The following KLHDC1 variants were observed in gnomAD, a reference collection of about 807,000 sequenced individuals.
The protein encoded by KLHDC1 is kelch domain containing 1, also known as kelch domain-containing protein 1.
A neutral mutation model predicts 68.3 loss-of-function variants in KLHDC1; 53 were observed. The ratio of observed to expected loss-of-function variants is 0.78; its 90% CI spans 0.62 to 0.98. The LOEUF is 0.98. KLHDC1 is among the 50% of genes least tolerant of loss of function. The probability of loss-of-function intolerance (pLI) is 0.00; values close to 1 mark genes in which losing one functional copy is unlikely to be tolerated. For synonymous variants in KLHDC1, 148 were observed against 159.0 expected (o/e 0.93, Z 0.52); for missense variants, 470 against 492.3 (o/e 0.95, Z 0.43).
rs1299351934 is a variant in KLHDC1, at chr14:49,715,791, TA to T, written c.404+5414del. On this transcript the variant is annotated intron_variant, in intron 4 of 12. Transcript: ENST00000359332. ...ATATATATATATATATAATAAAAGA[TA>T]AAACATAGCCTTACCTTTTAAACCT... is the stretch of plus-strand genomic sequence containing the variant. 5.1e-3 allele frequency among the ~76,000 whole-genome samples: 684 copies of T among 134,678 alleles called. 8 individuals carry two copies. The highest frequency in any genetic ancestry group is 0.018 in the African/African-American group (659 of 36,404). 88.4% of individuals were successfully genotyped at this position (134,678 alleles called of 152,430 possible). A position where few individuals can be genotyped will look rare whatever the true frequency, so the allele number is the denominator to read the frequency against.
At chr14:49,713,547 G>C (rs1240806521) in intron 4 of KLHDC1, among the ~76,000 whole-genome samples, 1 of 151,610 alleles carries the variant, frequency 6.6e-6, no homozygotes, top group Non-Finnish European at 1.5e-5. Context: ...CCTTCAAAGT[G>C]GTCAGTAAGG....
chr14:49,715,450 T>C (rs1169778546), intron 4 of KLHDC1, among the ~76,000 whole-genome samples: 2 of 151,368 alleles, frequency 1.3e-5, no homozygotes, highest in African/African-American at 4.8e-5. Flanking sequence ...CATATAAAAG[T>C]ATATATAAAA....
chr14:49,720,229 G>A (rs1375323257), intron 4 of KLHDC1, among the ~76,000 whole-genome samples: 1 of 152,186 alleles, frequency 6.6e-6, no homozygotes, highest in African/African-American at 2.4e-5. Flanking sequence ...CAGGTGATCC[G>A]CCTGCCTTGG....
intron 8 of KLHDC1, among the ~76,000 whole-genome samples, chr14:49,730,693 C>T (rs1862886515): frequency 1.3e-5 from 2 of 152,134 alleles, no homozygotes; most frequent in African/African-American, 4.8e-5. Context: ...TCAACCTAGG[C>T]TGGGTGCAGT....
intron 1 of KLHDC1, among the ~76,000 whole-genome samples, chr14:49,699,770 A>G (rs1240513914): frequency 6.6e-6 from 1 of 152,204 alleles, no homozygotes; most frequent in East Asian, 1.9e-4. Context: ...GATAATATCA[A>G]AAAAGTAAAT....
rs1471965697 is a variant in KLHDC1 at position 49,728,962 on chromosome 14, T to A, written c.604T>A (p.Cys202Ser). The A allele has an allele frequency of 6.2e-7, 1 of 1,613,664 alleles. No individual in the cohort carries two copies. Among genetic ancestry groups the A allele is most frequent in the Non-Finnish European group, 8.5e-7 (1 of 1,179,742 alleles). Residue 202 changes from cysteine to serine, a missense_variant, in exon 7 of 13, where the codon TGT becomes AGT. By Grantham distance (112) the Cys-to-Ser change is moderately radical (BLOSUM62 -1). Coordinates refer to ENST00000359332, the MANE Select transcript of KLHDC1 (RefSeq NM_172193.3). The part of the protein sequence containing the change: ...VPPQPRAAHT[C>S]AVLGNKGYIF... ...ACCACAGCCACGAGCCGCGCATACA[T>A]GTGCAGTTCTTGGAAATAAGGGTTA...
intron 6 of KLHDC1, among the ~76,000 whole-genome samples, chr14:49,728,025 A>G (rs1401576902): frequency 6.6e-6 from 1 of 152,102 alleles, no homozygotes; most frequent in Non-Finnish European, 1.5e-5. Flanking sequence ...TTTTCCACCA[A>G]TTAAAAACCT....
intron 1 of KLHDC1, among the ~76,000 whole-genome samples, chr14:49,700,638 G>T (rs1178529417): frequency 6.6e-6 from 1 of 152,072 alleles, no homozygotes; most frequent in Admixed American, 6.6e-5. Flanking sequence ...CTATGGATAT[G>T]GATTTAAAGG....
chr14:49,715,453 A>G (rs1888344156), intron 4 of KLHDC1, among the ~76,000 whole-genome samples: 1 of 151,438 alleles, frequency 6.6e-6, no homozygotes. Flanking sequence ...ATAAAAGTAT[A>G]TATAAAATAT....
chr14:49,736,687 T>C (rs1217075993), intron 10 of KLHDC1, among the ~76,000 whole-genome samples: 2 of 152,244 alleles, frequency 1.3e-5, no homozygotes, highest in Admixed American at 6.5e-5. Context: ...TTTCTCAACC[T>C]TGGCATTACT....
chr14:49,708,544 C>T (rs1001674320), intron 1 of KLHDC1: 26 of 152,216 alleles, frequency 1.7e-4, no homozygotes, highest in African/African-American at 5.8e-4. Flanking sequence ...TCAGAATGTG[C>T]TATTCTATTT....
chr14:49,741,460 A>G (rs1889064694), intron 11 of KLHDC1, among the ~76,000 whole-genome samples: 1 of 151,592 alleles, frequency 6.6e-6, no homozygotes. Flanking sequence ...CGTGTGCCAC[A>G]ACGCCCGGCT....
At chr14:49,718,930 C>G (rs1888455249) in intron 4 of KLHDC1, among the ~76,000 whole-genome samples, 2 of 151,638 alleles carry the variant, frequency 1.3e-5, no homozygotes. Context: ...CCGCCTGCCA[C>G]TACACCCACC....
intron 1 of KLHDC1, among the ~76,000 whole-genome samples, chr14:49,697,821 T>C (rs967344649): frequency 1.8e-4 from 28 of 152,190 alleles, no homozygotes; most frequent in African/African-American, 6.5e-4. Context: ...ATTCTTACTA[T>C]ATTCCTGTAA....
intron 11 of KLHDC1, among the ~76,000 whole-genome samples, chr14:49,740,990 A>C (rs939221662): frequency 3.3e-5 from 5 of 152,200 alleles, no homozygotes; most frequent in African/African-American, 9.6e-5. Context: ...GCTACTTAGG[A>C]GGCTGAGGCA....
At chr14:49,735,215 T>A (rs946619752) in intron 10 of KLHDC1, among the ~76,000 whole-genome samples, 1 of 151,914 alleles carries the variant, frequency 6.6e-6, no homozygotes, top group African/African-American at 2.4e-5. Flanking sequence ...TATACTATTA[T>A]TAAACTACAA....
chr14:49,720,870 G>A (rs966637612), intron 4 of KLHDC1, among the ~76,000 whole-genome samples: 3 of 152,068 alleles, frequency 2.0e-5, no homozygotes, highest in African/African-American at 7.2e-5. Context: ...TAATTACCAA[G>A]TTCCAGGAAG....
intron 12 of KLHDC1, among the ~76,000 whole-genome samples, chr14:49,744,859 A>G (rs897722952): frequency 6.6e-6 from 1 of 152,202 alleles, no homozygotes; most frequent in Non-Finnish European, 1.5e-5. Context: ...ACATACACAG[A>G]TATTTAATAT....
At chr14:49,749,672 C>T (rs1316895449) in intron 12 of KLHDC1, among the ~76,000 whole-genome samples, 2 of 137,332 alleles carry the variant, frequency 1.5e-5, no homozygotes, top group East Asian at 2.1e-4. Flanking sequence ...AGTGAGACTC[C>T]GTCTCAAAAA....
Sources: allele counts gnomAD v4.1 joint callset (sites outside exome capture counted in the v4.1 genomes callset), GRCh38; gene constraint gnomAD v4.1.1; transcripts MANE v1.5; gene names NCBI Gene and HGNC (gene_info 2026-07-23, HGNC 2026-07-21).